Variants in SLC24A2 observed in about 807,000 individuals in gnomAD.
The protein encoded by SLC24A2 is solute carrier family 24 member 2, also known as sodium/potassium/calcium exchanger 2.
A neutral mutation model predicts 62.0 loss-of-function variants in SLC24A2; 36 were observed. The ratio of observed to expected loss-of-function variants is 0.58; its 90% CI spans 0.44 to 0.77. The LOEUF (loss-of-function observed/expected upper bound fraction) is 0.77, where lower values mean the gene tolerates loss of function less well. Among genes scored for constraint, SLC24A2 ranks in the 30% least tolerant of loss-of-function variants. The pLI, the probability that SLC24A2 is intolerant of heterozygous loss-of-function variation, is 0.00. For missense variants in SLC24A2, 846 were observed against 817.9 expected, an observed-to-expected ratio of 1.03 and a Z score of -0.42; for synonymous variants, 358 against 294.0, an observed-to-expected ratio of 1.22 and a Z score of -2.23.
the SLC24A2 span, among the ~76,000 whole-genome samples, chr9:19,942,315 CTAAAGATTCAAGT>C: frequency 6.6e-6 from 1 of 152,118 alleles, no homozygotes; most frequent in East Asian, 1.9e-4. Context: ...GATTCAAGTA[CTAAAGATTCAAGT>C]ACTATTATCA....
At chr9:19,667,300 T>A (rs1819282921) in intron 2 of SLC24A2, among the ~76,000 whole-genome samples, 1 of 152,218 alleles carries the variant, frequency 6.6e-6, no homozygotes, top group African/African-American at 2.4e-5. Context: ...GAATGCACTG[T>A]GATTTATCCT....
chr9:20,298,040 A>C, the SLC24A2 span, among the ~76,000 whole-genome samples: 1 of 152,156 alleles, frequency 6.6e-6, no homozygotes, highest in South Asian at 2.1e-4. Flanking sequence ...CAGCACCCCC[A>C]GGGCTGTATG....
At chr9:19,559,039 C>G (rs1835259881) in intron 7 of SLC24A2, among the ~76,000 whole-genome samples, 1 of 152,158 alleles carries the variant, frequency 6.6e-6, no homozygotes, top group Admixed American at 6.5e-5. Context: ...AATACCCATT[C>G]TTTTACAACA....
the SLC24A2 span, among the ~76,000 whole-genome samples, chr9:20,181,658 G>A: frequency 6.6e-6 from 1 of 152,114 alleles, no homozygotes; most frequent in African/African-American, 2.4e-5. Context: ...AGACTTAAAG[G>A]TAAGACCTAA....
intron 8 of SLC24A2, among the ~76,000 whole-genome samples, chr9:19,549,198 G>C (rs1834724350): frequency 6.6e-6 from 1 of 152,230 alleles, no homozygotes; most frequent in Admixed American, 6.5e-5. Flanking sequence ...ATAGTCACAA[G>C]AATGTTCAAG....
At chr9:19,837,440 C>G in the SLC24A2 span, among the ~76,000 whole-genome samples, 1 of 105,906 alleles carries the variant, frequency 9.4e-6, no homozygotes, top group Admixed American at 1.6e-4. Flanking sequence ...GCCTGGGCGA[C>G]AGAGCGAGAC....
chr9:20,066,566 G>A, the SLC24A2 span, among the ~76,000 whole-genome samples: 13 of 152,256 alleles, frequency 8.5e-5, 1 homozygote, highest in African/African-American at 2.9e-4. Context: ...TACTTTAAGA[G>A]AATTCTGTCC....
At chr9:20,229,111 A>G in the SLC24A2 span, among the ~76,000 whole-genome samples, 1 of 151,972 alleles carries the variant, frequency 6.6e-6, no homozygotes, top group Non-Finnish European at 1.5e-5. Context: ...CATACAATCC[A>G]TTTTCTAATT....
intron 5 of SLC24A2, among the ~76,000 whole-genome samples, chr9:19,593,226 T>A (rs193155633): frequency 6.6e-6 from 1 of 152,366 alleles, no homozygotes; most frequent in East Asian, 1.9e-4. Context: ...ACTCATCTCA[T>A]GCCTGTGTCT....
the SLC24A2 span, among the ~76,000 whole-genome samples, chr9:20,046,895 A>G: frequency 6.6e-6 from 1 of 152,154 alleles, no homozygotes; most frequent in Non-Finnish European, 1.5e-5. Flanking sequence ...CTTTCTATCT[A>G]CTTACTAATA....
chr9:19,791,709 T>A (rs1823322369), upstream of SLC24A2, among the ~76,000 whole-genome samples: 1 of 152,202 alleles, frequency 6.6e-6, no homozygotes, highest in Non-Finnish European at 1.5e-5. Context: ...CAGACCTTAT[T>A]GCCTAGTCAT....
the SLC24A2 span, among the ~76,000 whole-genome samples, chr9:20,250,784 T>C: frequency 6.6e-6 from 1 of 152,184 alleles, no homozygotes; most frequent in Non-Finnish European, 1.5e-5. Flanking sequence ...AATTTCCCAA[T>C]TATTTAATAC....
chr9:20,221,084 G>A, the SLC24A2 span, among the ~76,000 whole-genome samples: 2 of 152,164 alleles, frequency 1.3e-5, no homozygotes, highest in African/African-American at 4.8e-5. Flanking sequence ...ATAGAGTGGT[G>A]AGGAAGAGAG....
chr9:19,878,546 A>T, the SLC24A2 span, among the ~76,000 whole-genome samples: 1 of 152,114 alleles, frequency 6.6e-6, no homozygotes, highest in Non-Finnish European at 1.5e-5. Context: ...TGTAATTCCC[A>T]CTGTTGGAGG....
At chr9:19,567,459 T>C (rs1372302198) in intron 7 of SLC24A2, among the ~76,000 whole-genome samples, 5 of 144,226 alleles carry the variant, frequency 3.5e-5, no homozygotes, top group African/African-American at 1.3e-4. Context: ...GGCAGGAGAA[T>C]GGCGTGAACC....
At chr9:20,238,861 A>G in the SLC24A2 span, among the ~76,000 whole-genome samples, 1 of 152,194 alleles carries the variant, frequency 6.6e-6, no homozygotes, top group Admixed American at 6.5e-5. Flanking sequence ...ACTTAATAGA[A>G]CTAGTGGCCT....
the SLC24A2 span, among the ~76,000 whole-genome samples, chr9:20,020,055 A>G: frequency 1.3e-5 from 2 of 152,222 alleles, no homozygotes; most frequent in African/African-American, 4.8e-5. Context: ...GGCAATCATT[A>G]AAAAGTCAGG....
At chr9:19,768,829 T>C (rs1314253467) in intron 2 of SLC24A2, among the ~76,000 whole-genome samples, 1 of 152,198 alleles carries the variant, frequency 6.6e-6, no homozygotes, top group Non-Finnish European at 1.5e-5. Flanking sequence ...TTCTCCAGTC[T>C]TCTTCCTTCC....
At chr9:19,554,252 C>T (rs1310992150) in intron 7 of SLC24A2, among the ~76,000 whole-genome samples, 1 of 152,204 alleles carries the variant, frequency 6.6e-6, no homozygotes, top group African/African-American at 2.4e-5. Flanking sequence ...ACACCTGCTG[C>T]TTGGACTTCT....
Sources: gnomAD v4.1 joint callset for allele counts (sites outside exome capture counted in the v4.1 genomes callset) on GRCh38, gnomAD v4.1.1 for gene constraint, MANE v1.5 for transcripts, NCBI Gene and HGNC (gene_info 2026-07-23, HGNC 2026-07-21) for gene names.